The following GABRG3 variants were observed in gnomAD, a reference collection of about 807,000 sequenced individuals.
The protein encoded by GABRG3 is gamma-aminobutyric acid type A receptor subunit gamma3, also known as gamma-aminobutyric acid receptor subunit gamma-3.
In GABRG3, 25 loss-of-function variants were observed where a neutral mutation model predicts 48.8. That is an observed-to-expected ratio of 0.51 (90% CI 0.37 to 0.72). The LOEUF (loss-of-function observed/expected upper bound fraction) is 0.72. Among genes scored for constraint, GABRG3 ranks in the 30% least tolerant of loss-of-function variants. The probability of loss-of-function intolerance (pLI) is 0.00; values close to 1 mark genes in which losing one functional copy is unlikely to be tolerated. For missense variants in GABRG3, 394 were observed against 577.9 expected, an observed-to-expected ratio of 0.68 and a Z score of 3.26; for synonymous variants, 227 against 217.6, an observed-to-expected ratio of 1.04 and a Z score of -0.38.
chr15:27,272,563 A>G (rs1206623432), intron 3 of GABRG3, among the ~76,000 whole-genome samples: 2 of 152,126 alleles, frequency 1.3e-5, no homozygotes, highest in African/African-American at 4.8e-5. Flanking sequence ...TATTTTTTTG[A>G]AAGTCTGACT....
At chr15:27,481,229 T>A (rs923003692) in intron 6 of GABRG3, 3 of 982,352 alleles carry the variant, frequency 3.1e-6, no homozygotes, top group Non-Finnish European at 3.6e-6. Context: ...TTTGAGTTTC[T>A]TTTTCAATGA....
intron 5 of GABRG3, chr15:27,364,054 T>G (rs1895111227): frequency 6.6e-6 from 1 of 152,190 alleles, no homozygotes; most frequent in African/African-American, 2.4e-5. Context: ...AATGGTGGGT[T>G]TGTGACAGAG....
intron 3 of GABRG3, among the ~76,000 whole-genome samples, chr15:27,313,818 G>A (rs1893114331): frequency 6.6e-6 from 1 of 152,008 alleles, no homozygotes; most frequent in African/African-American, 2.4e-5. Context: ...TAGGATATGA[G>A]GAAAGCAGTA....
At chr15:27,155,722 T>C (rs1898406887) in intron 3 of GABRG3, among the ~76,000 whole-genome samples, 1 of 152,146 alleles carries the variant, frequency 6.6e-6, no homozygotes, top group Non-Finnish European at 1.5e-5. Flanking sequence ...AGCTTCCCTC[T>C]AGGTCCCTGC....
rs111421329 is a variant in GABRG3 at position 27,098,989 on chromosome 15, C to T, written c.270+72168C>T. 1.3e-3 allele frequency among the ~76,000 whole-genome samples: 196 copies of T among 152,104 alleles called. 1 individual carries two copies. The highest frequency in any genetic ancestry group is 4.5e-3 in the African/African-American group (185 of 41,482). ...ACACATGATGAGTTAGCCCCAGTCC[C>T]GTAATATGTCCAAAGTGCCGAGGAT... On this transcript the variant is annotated intron_variant, in intron 3 of 9. Transcript: ENST00000615808.
At chr15:27,513,401 G>C (rs959046238) in intron 6 of GABRG3, among the ~76,000 whole-genome samples, 1 of 151,540 alleles carries the variant, frequency 6.6e-6, no homozygotes. Context: ...AGTGAGCCAA[G>C]ATGGCGCCAG....
intron 5 of GABRG3, among the ~76,000 whole-genome samples, chr15:27,348,798 G>A (rs1342994915): frequency 6.6e-6 from 1 of 152,218 alleles, no homozygotes; most frequent in Non-Finnish European, 1.5e-5. Context: ...CACAAGAATA[G>A]TGGCAGGGGT....
At chr15:27,108,478 A>T (rs1482144795) in intron 3 of GABRG3, among the ~76,000 whole-genome samples, 1 of 152,172 alleles carries the variant, frequency 6.6e-6, no homozygotes, top group African/African-American at 2.4e-5. Context: ...GTCTATTAAG[A>T]TATACATTAT....
chr15:27,293,112 G>A lies in GABRG3; in HGVS notation c.271-33697G>A, dbSNP rs558491591. On this transcript the variant is annotated intron_variant, in intron 3 of 9. Coordinates refer to ENST00000615808, the MANE Select transcript of GABRG3 (RefSeq NM_033223.5). ...TTTAAAGGCTGAGGGATTACTGACT[G>A]CTACTACTAATGTTGCAATTTGTTT... 1.1e-4 allele frequency among the ~76,000 whole-genome samples: 16 copies of A among 152,246 alleles called. No individual in the cohort carries two copies. In the South Asian group the frequency reaches 3.3e-3, roughly 32 times the overall value.
intron 5 of GABRG3, among the ~76,000 whole-genome samples, chr15:27,407,951 G>A (rs1409314391): frequency 6.6e-6 from 1 of 152,170 alleles, no homozygotes; most frequent in Non-Finnish European, 1.5e-5. Flanking sequence ...GAACCCTATT[G>A]TGAACCACGG....
intron 3 of GABRG3, among the ~76,000 whole-genome samples, chr15:27,251,731 C>T (rs1340054991): frequency 6.6e-6 from 1 of 152,158 alleles, no homozygotes; most frequent in Non-Finnish European, 1.5e-5. Flanking sequence ...TTTATGTCTA[C>T]ACAGTGCACA....
chr15:27,382,221 C>T (rs1895796835), intron 5 of GABRG3, among the ~76,000 whole-genome samples: 2 of 152,180 alleles, frequency 1.3e-5, no homozygotes, highest in African/African-American at 2.4e-5. Context: ...TGGCCAAAAA[C>T]TTCTAACTTC....
intron 6 of GABRG3, among the ~76,000 whole-genome samples, chr15:27,485,810 A>C (rs768936882): frequency 6.6e-6 from 1 of 152,234 alleles, no homozygotes; most frequent in Non-Finnish European, 1.5e-5. Context: ...TTTTCTGTTA[A>C]AAAGCCAATA....
chr15:27,388,270 GGAGGGT>G (rs1184813059), intron 5 of GABRG3, among the ~76,000 whole-genome samples: 1 of 58,852 alleles, frequency 1.7e-5, no homozygotes, highest in African/African-American at 8.0e-5. Context: ...AAGGAGGGAG[GGAGGGT>G]AAGGAAGGAA....
chr15:27,301,521 CAT>C lies in GABRG3; in HGVS notation c.271-25286_271-25285del, dbSNP rs1370684790. ...AGAAGGGGAATGGCACAAGGGAAAA[CAT>C]AGGTAAATGGAAGTTAGAAATACTG... On this transcript the variant is annotated intron_variant, in intron 3 of 9. Transcript: ENST00000615808. 5.9e-5 allele frequency among the ~76,000 whole-genome samples: 9 copies of C among 152,080 alleles called. No individual in the cohort carries two copies. In the South Asian group the frequency reaches 1.2e-3, roughly 21 times the overall value.
chr15:27,189,248 T>C (rs1888211020), intron 3 of GABRG3, among the ~76,000 whole-genome samples: 1 of 151,878 alleles, frequency 6.6e-6, no homozygotes, highest in Admixed American at 6.6e-5. Flanking sequence ...AAAGTAGTTT[T>C]TTCCAATTCT....
intron 5 of GABRG3, among the ~76,000 whole-genome samples, chr15:27,390,775 A>G (rs1230079600): frequency 6.6e-6 from 1 of 152,164 alleles, no homozygotes; most frequent in Admixed American, 6.5e-5. Flanking sequence ...TAGGAAGTCT[A>G]TGGACAGCAT....
intron 3 of GABRG3, among the ~76,000 whole-genome samples, chr15:27,191,282 T>A (rs1211094683): frequency 2.6e-5 from 4 of 152,178 alleles, no homozygotes; most frequent in African/African-American, 9.7e-5. Context: ...GTATCCTTGT[T>A]GACTTTCTGT....
At chr15:27,335,470 G>C (rs1893933078) in intron 5 of GABRG3, among the ~76,000 whole-genome samples, 1 of 152,136 alleles carries the variant, frequency 6.6e-6, no homozygotes, top group Non-Finnish European at 1.5e-5. Flanking sequence ...TTATGATTTT[G>C]ATTTGCATTT....
Sources: gnomAD v4.1 joint callset for allele counts (sites outside exome capture counted in the v4.1 genomes callset) on GRCh38, gnomAD v4.1.1 for gene constraint, MANE v1.5 for transcripts, NCBI Gene and HGNC (gene_info 2026-07-23, HGNC 2026-07-21) for gene names.